The following PHLDB2 variants were observed in gnomAD, a reference collection of about 807,000 sequenced individuals.
PHLDB2 encodes the protein pleckstrin homology like domain family B member 2.
Under a neutral mutation model 123.6 loss-of-function variants are expected in PHLDB2, and 71 were observed. The ratio of observed to expected loss-of-function variants is 0.57; its 90% CI spans 0.47 to 0.70. The LOEUF (loss-of-function observed/expected upper bound fraction) is 0.70. PHLDB2 is among the 30% of genes least tolerant of loss of function. The pLI is 0.00. For synonymous variants in PHLDB2, 547 were observed against 541.6 expected, an observed-to-expected ratio of 1.01 and a Z score of -0.14; for missense variants, 1,446 against 1,519.5, an observed-to-expected ratio of 0.95 and a Z score of 0.80.
intron 2 of PHLDB2, among the ~76,000 whole-genome samples, chr3:111,910,284 T>TA (rs1267323867): frequency 6.6e-6 from 1 of 152,112 alleles, no homozygotes; most frequent in African/African-American, 2.4e-5. Context: ...GCGAAAAAAA[T>TA]AAAAAATATA....
At chr3:111,966,142 G>T (rs2071734957) in intron 13 of PHLDB2, among the ~76,000 whole-genome samples, 1 of 152,076 alleles carries the variant, frequency 6.6e-6, no homozygotes, top group Admixed American at 6.6e-5. Flanking sequence ...TTCCACAACT[G>T]AATAAAGTGA....
intron 2 of PHLDB2, among the ~76,000 whole-genome samples, chr3:111,895,710 G>A (rs571198753): frequency 9.9e-4 from 151 of 152,192 alleles, no homozygotes; most frequent in African/African-American, 3.5e-3. Flanking sequence ...TTAGCCAGGC[G>A]TGGTGGCACA....
intron 8 of PHLDB2, among the ~76,000 whole-genome samples, chr3:111,942,512 T>C (rs928260569): frequency 6.6e-6 from 1 of 152,192 alleles, no homozygotes; most frequent in African/African-American, 2.4e-5. Context: ...CCAGCTGAGG[T>C]TGAACAAGGG....
At chr3:111,829,625 A>G (rs1298663311) in intron 1 of PHLDB2, among the ~76,000 whole-genome samples, 1 of 151,626 alleles carries the variant, frequency 6.6e-6, no homozygotes, top group African/African-American at 2.4e-5. Flanking sequence ...CACCACGCCC[A>G]GCTAATTTTT....
chr3:111,909,314 A>G (rs924129025), intron 2 of PHLDB2, among the ~76,000 whole-genome samples: 21 of 152,352 alleles, frequency 1.4e-4, no homozygotes, highest in African/African-American at 3.6e-4. Flanking sequence ...GTTTGAGGGT[A>G]GAAATGCTAT....
At chr3:111,846,023 G>A (rs2063967943) in intron 2 of PHLDB2, 3 of 1,342,278 alleles carry the variant, frequency 2.2e-6, no homozygotes, top group South Asian at 1.3e-5. Context: ...GCATTTTCAA[G>A]CATATACCCA....
intron 2 of PHLDB2, among the ~76,000 whole-genome samples, chr3:111,851,194 T>TAAA (rs11309576): frequency 9.7e-6 from 1 of 103,614 alleles, no homozygotes; most frequent in Admixed American, 1.1e-4. Context: ...GATTCTGTCT[T>TAAA]AAAAAAAAAA....
chr3:111,813,970 C>T (rs1405481020), intron 1 of PHLDB2, among the ~76,000 whole-genome samples: 1 of 152,196 alleles, frequency 6.6e-6, no homozygotes, highest in Non-Finnish European at 1.5e-5. Flanking sequence ...GTTCAAAATG[C>T]TCAATATTTG....
chr3:111,935,256 T>C (rs1422651244), intron 6 of PHLDB2, among the ~76,000 whole-genome samples: 1 of 151,988 alleles, frequency 6.6e-6, no homozygotes, highest in Admixed American at 6.6e-5. Context: ...CCTGCCACCA[T>C]GCCTGGCTCA....
intron 12 of PHLDB2, among the ~76,000 whole-genome samples, chr3:111,955,234 G>T (rs539065470): frequency 6.6e-6 from 1 of 150,972 alleles, no homozygotes; most frequent in African/African-American, 2.4e-5. Flanking sequence ...ATTCATAATA[G>T]GTTTATAATG....
chr3:111,745,324 C>T (rs2059664130), intron 1 of PHLDB2, among the ~76,000 whole-genome samples: 1 of 152,154 alleles, frequency 6.6e-6, no homozygotes, highest in African/African-American at 2.4e-5. Context: ...ATTAAGATCA[C>T]CAACATATAC....
chr3:111,953,857 A>G lies in PHLDB2; in HGVS notation c.2773-73A>G, dbSNP rs560581232. On this transcript the variant is annotated intron_variant, in intron 11 of 17. Coordinates refer to ENST00000431670, the MANE Select transcript of PHLDB2 (RefSeq NM_001134438.2). ...ACACTTAGATAGGAGCTTTGGAAACAGGGATGTGGCCATTTCCTAAAGGTC... is the reference window on the plus strand; with the variant it reads ...ACACTTAGATAGGAGCTTTGGAAACGGGGATGTGGCCATTTCCTAAAGGTC... 13 of 1,152,368 alleles carry G rather than the reference A, an allele frequency of 1.1e-5. 1 individual carries two copies. Among genetic ancestry groups the G allele is most frequent in the South Asian group, 4.0e-5 (3 of 74,724 alleles). 71.4% of individuals were successfully genotyped at this position (1,152,368 alleles called of 1,614,324 possible).
At chr3:111,917,237 A>G (rs1242602816) in intron 3 of PHLDB2, 1 of 152,212 alleles carries the variant, frequency 6.6e-6, no homozygotes, top group African/African-American at 2.4e-5. Context: ...TCTATTATTA[A>G]ATATATCTAC....
At chr3:111,959,607 G>A (rs1159876119) in intron 12 of PHLDB2, among the ~76,000 whole-genome samples, 1 of 152,190 alleles carries the variant, frequency 6.6e-6, no homozygotes, top group Non-Finnish European at 1.5e-5. Context: ...CCTTAGCACA[G>A]TACAAATTGT....
In PHLDB2 at chr3:111,876,644, A is replaced by T. The variant is rs183997113; in HGVS notation, c.-14-7420A>T. On this transcript the variant is annotated intron_variant, in intron 1 of 17. Transcript: ENST00000431670. ...GTGCAGGTTTGTTACATAGGTATACACGTGCCATGGTGGTTTGCTGCACCC... is the reference window on the plus strand; with the variant it reads ...GTGCAGGTTTGTTACATAGGTATACTCGTGCCATGGTGGTTTGCTGCACCC... Among the ~76,000 whole-genome samples the T allele has an allele frequency of 5.9e-5, 9 of 152,210 alleles. No individual in the cohort carries two copies. In the East Asian group the frequency reaches 1.7e-3, roughly 29 times the overall value.
intron 2 of PHLDB2, among the ~76,000 whole-genome samples, chr3:111,910,558 C>T (rs1178536927): frequency 2.0e-5 from 3 of 152,170 alleles, no homozygotes; most frequent in African/African-American, 7.2e-5. Flanking sequence ...GGACCAACCC[C>T]AGTTTGCATT....
At chr3:111,927,124 A>G (rs2107553381) in intron 5 of PHLDB2, among the ~76,000 whole-genome samples, 1 of 152,324 alleles carries the variant, frequency 6.6e-6, no homozygotes, top group Middle Eastern at 3.4e-3. Flanking sequence ...TAGTTGCCTA[A>G]TCTATGAACC....
At chr3:111,880,462 C>G (rs1255139719) in intron 1 of PHLDB2, among the ~76,000 whole-genome samples, 1 of 152,112 alleles carries the variant, frequency 6.6e-6, no homozygotes, top group Admixed American at 6.6e-5. Flanking sequence ...ATCAGTGGAA[C>G]CAATCCAGGA....
chr3:111,898,546 A>G (rs1299639388), intron 2 of PHLDB2, among the ~76,000 whole-genome samples: 1 of 152,130 alleles, frequency 6.6e-6, no homozygotes, highest in Non-Finnish European at 1.5e-5. Context: ...TCCTTTCACA[A>G]AAGATTCCTC....
Sources: gnomAD v4.1 joint callset for allele counts (sites outside exome capture counted in the v4.1 genomes callset) on GRCh38, gnomAD v4.1.1 for gene constraint, MANE v1.5 for transcripts, NCBI Gene and HGNC (gene_info 2026-07-23, HGNC 2026-07-21) for gene names.